Variants in SPATA22 observed in about 807,000 individuals in gnomAD.
SPATA22 encodes the protein spermatogenesis-associated protein 22.
SPATA22 carries 29 observed loss-of-function variants against 47.8 expected under a neutral mutation model. The observed-to-expected ratio is 0.61, with a 90% CI of 0.45 to 0.83. The LOEUF is 0.83. Among genes scored for constraint, SPATA22 ranks in the 40% least tolerant of loss-of-function variants. The pLI is 0.00. For missense variants in SPATA22, 410 were observed against 421.7 expected, an observed-to-expected ratio of 0.97 and a Z score of 0.24; for synonymous variants, 133 against 140.9, an observed-to-expected ratio of 0.94 and a Z score of 0.40.
intron 1 of SPATA22, among the ~76,000 whole-genome samples, chr17:3,504,503 A>C (rs1371756716): frequency 1.3e-5 from 2 of 151,900 alleles, no homozygotes; most frequent in East Asian, 1.9e-4. Context: ...AGGAAAAAAC[A>C]ACCATTTAAG....
intron 1 of SPATA22, among the ~76,000 whole-genome samples, chr17:3,478,065 G>T (rs2073560571): frequency 6.6e-6 from 1 of 152,054 alleles, no homozygotes; most frequent in Admixed American, 6.6e-5. Context: ...GGCACCTGTA[G>T]TCCCAGCTAT....
intron 3 of SPATA22, among the ~76,000 whole-genome samples, chr17:3,463,986 C>T (rs55913517): frequency 0.34 from 41,421 of 120,620 alleles, 9,466 homozygotes; most frequent in Non-Finnish European, 0.5. Context: ...CCTCTCCCCA[C>T]GGTCTCCCTC....
chr17:3,512,023 G>A (rs1159857747), intron 1 of SPATA22: 1 of 152,110 alleles, frequency 6.6e-6, no homozygotes, highest in Non-Finnish European at 1.5e-5. Context: ...AGGCTAAAAG[G>A]GACCTTAAAC....
chr17:3,453,446 T>TCAACATC (rs1161183963), intron 5 of SPATA22, among the ~76,000 whole-genome samples: 1 of 152,092 alleles, frequency 6.6e-6, no homozygotes, highest in East Asian at 1.9e-4. Context: ...CTGACAAAGT[T>TCAACATC]CAACATCCAT....
At chr17:3,447,437 A>G (rs1028091619) in intron 6 of SPATA22, among the ~76,000 whole-genome samples, 1 of 109,958 alleles carries the variant, frequency 9.1e-6, no homozygotes, top group African/African-American at 2.7e-5. Flanking sequence ...GAAGATTCTA[A>G]CATGCCTCCT....
chr17:3,499,260 TATC>T (rs1567620286), intron 1 of SPATA22: 4 of 548,936 alleles, frequency 7.3e-6, no homozygotes, highest in African/African-American at 3.8e-5. Flanking sequence ...TCTTTAAAGA[TATC>T]ATATTTTATG....
At chr17:3,478,190 A>T (rs1400429519) in intron 1 of SPATA22, among the ~76,000 whole-genome samples, 9 of 150,384 alleles carry the variant, frequency 6.0e-5, no homozygotes, top group African/African-American at 9.9e-5. Context: ...GTCTCAAAAA[A>T]AAAAATATAT....
chr17:3,467,437 G>C lies in SPATA22; in HGVS notation c.161C>G (p.Pro54Arg), dbSNP rs1002646361. ...ATTAATTTTCTTACCTGTAGGTAGA[G>C]GAGGAAAATCATAATTGTCAGAAGG... ...STPSDNYDFP[P>R]LPTDWAWEAV... Residue 54 changes from proline (P) to arginine (R), a missense_variant, in exon 3 of 9, where the codon CCT (proline) becomes CGT (arginine). Coordinates refer to ENST00000572969, the MANE Select transcript of SPATA22 (RefSeq NM_001170698.2). 1.3e-6 allele frequency: 2 copies of C among 1,595,392 alleles called. No homozygotes were observed. The highest frequency in any genetic ancestry group is 2.7e-5 in the African/African-American group (2 of 74,324).
chr17:3,447,360 G>C (rs2072750243), intron 6 of SPATA22, among the ~76,000 whole-genome samples: 1 of 152,136 alleles, frequency 6.6e-6, no homozygotes, highest in Admixed American at 6.6e-5. Flanking sequence ...GGTGAGGGTT[G>C]TGAAGAACAT....
chr17:3,469,671 A>G (rs377136855), intron 1 of SPATA22, among the ~76,000 whole-genome samples: 90 of 152,286 alleles, frequency 5.9e-4, no homozygotes, highest in African/African-American at 2.0e-3. Context: ...TCCCGCACCC[A>G]CAAAGAGAAT....
In SPATA22 at chr17:3,465,404, A is replaced by G. The variant is rs1367602719; in HGVS notation, c.172+2022T>C. Among the ~76,000 whole-genome samples, 5 of 151,968 alleles carry G rather than the reference A, an allele frequency of 3.3e-5. No individual in the cohort carries two copies. In the East Asian group the frequency reaches 7.8e-4, roughly 24 times the overall value. ...CGTGTCAGTGTAGAAAGAAGTAGACATGGGAGACTTTTCATTTTGTTCTGT... is the reference window on the plus strand; with the variant it reads ...CGTGTCAGTGTAGAAAGAAGTAGACGTGGGAGACTTTTCATTTTGTTCTGT... On this transcript the variant is annotated intron_variant, in intron 3 of 8. Transcript: ENST00000572969.
At chr17:3,466,598 G>A (rs1205141132) in intron 3 of SPATA22, among the ~76,000 whole-genome samples, 1 of 152,242 alleles carries the variant, frequency 6.6e-6, no homozygotes, top group African/African-American at 2.4e-5. Flanking sequence ...TCATGTGCCA[G>A]TTGAAGCTGT....
chr17:3,489,140 C>T (rs2073777032), intron 1 of SPATA22: 2 of 806,704 alleles, frequency 2.5e-6, no homozygotes, highest in Non-Finnish European at 4.1e-6. Flanking sequence ...ATAATTTTAA[C>T]AACATAATTC....
At chr17:3,481,612 G>GTCAGAAGAT (rs1397679837) in intron 1 of SPATA22, 1 of 1,613,252 alleles carries the variant, frequency 6.2e-7, no homozygotes, top group African/African-American at 1.3e-5. Context: ...GCAAAAAAAT[G>GTCAGAAGAT]TCAGAAGATT....
chr17:3,457,882 C>T (rs34107842), intron 5 of SPATA22, among the ~76,000 whole-genome samples: 35,604 of 151,956 alleles, frequency 0.23, 4,442 homozygotes, highest in East Asian at 0.43. Context: ...GGAAAAAACG[C>T]AGAGAACAAG....
At position 3,465,066 on chromosome 17, in the gene SPATA22, T is replaced by TG. The variant is rs1212035375; in HGVS notation, c.173-2300dup. Among the ~76,000 whole-genome samples the TG allele has an allele frequency of 3.3e-4, 21 of 63,294 alleles. 1 individual carries two copies. Among genetic ancestry groups the TG allele is most frequent in the African/African-American group, 1.1e-3 (18 of 16,342 alleles). The allele number at this position is 63,294 out of a possible 152,430, so 41.5% of individuals were successfully genotyped here. On this transcript the variant is annotated intron_variant, in intron 3 of 8. Transcript: ENST00000572969. The stretch of plus-strand genomic sequence containing the variant: ...CCAGCCGCCCCGTCCGGGAGGGAGG[T>TG]GGGGGGTCAGCCCCTCCACCCGGCA...
chr17:3,445,577 GT>G (rs1197627899), intron 7 of SPATA22, among the ~76,000 whole-genome samples: 1 of 152,130 alleles, frequency 6.6e-6, no homozygotes, highest in Admixed American at 6.6e-5. Context: ...AGTGGGTGTG[GT>G]TTTTAGCTGC....
intron 1 of SPATA22, chr17:3,498,776 G>T (rs1328913243): frequency 2.4e-5 from 25 of 1,056,816 alleles, no homozygotes; most frequent in Non-Finnish European, 3.2e-5. Context: ...CCTCGCTCAA[G>T]TATCTCTTTT....
At position 3,488,633 on chromosome 17, in the gene SPATA22, G is replaced by A. The variant is rs750917054; in HGVS notation, c.-73-19235C>T. On this transcript the variant is annotated intron_variant, in intron 1 of 8. Transcript: ENST00000541913. The surrounding 1 kb of genome is among the most constrained non-coding windows in gnomAD (Gnocchi z 6.1). ...AATCACACCACTGTACTCCAGCCTG[G>A]GTGACAGAGTGAGACTCTGTCTCGA... Among the ~76,000 whole-genome samples the A allele has an allele frequency of 1.3e-5, 2 of 152,080 alleles. No homozygotes were observed. Among genetic ancestry groups the A allele is most frequent in the Non-Finnish European group, 2.9e-5 (2 of 68,022 alleles).
Sources: gnomAD v4.1 joint callset for allele counts (sites outside exome capture counted in the v4.1 genomes callset) on GRCh38, gnomAD v4.1.1 for gene constraint, Gnocchi (gnomAD v3.1) non-coding constraint, MANE v1.5 for transcripts, NCBI Gene and HGNC (gene_info 2026-07-23, HGNC 2026-07-21) for gene names.